CNN3: variants seen among roughly 807,000 people sequenced by gnomAD.
CNN3 encodes calponin-3.
In CNN3, 11 loss-of-function variants were observed where a neutral mutation model predicts 39.0. The observed-to-expected ratio is 0.28, with a 90% CI of 0.18 to 0.47. The LOEUF (loss-of-function observed/expected upper bound fraction) is 0.47. Ranked by LOEUF, CNN3 falls within the 20% of genes least tolerant of loss-of-function variation. CNN3 has a pLI of 0.99. For missense variants in CNN3, 266 were observed against 403.4 expected, an observed-to-expected ratio of 0.66 and a Z score of 2.92; for synonymous variants, 101 against 138.3, an observed-to-expected ratio of 0.73 and a Z score of 1.89.
At chr1:94,901,565 T>G in intron 5 of CNN3, 104 bp downstream of exon 5, 11 of 707,278 alleles carry the variant, frequency 1.6e-5, no homozygotes, top group Admixed American at 6.9e-5. Flanking sequence ...CCCCCCCCAG[T>G]ACTATAGTAC....
At position 94,901,732 on chromosome 1, in the gene CNN3, T is replaced by G. The variant is rs199855827; in HGVS notation, c.438A>C (p.Glu146Asp). Reference sequence around the variant, plus strand: ...CTTCATCAAAACGTCTTGTTTGTTTTTCTGCATACTTAACTCCAATGTCAA... The same window carrying G: ...CTTCATCAAAACGTCTTGTTTGTTTGTCTGCATACTTAACTCCAATGTCAA... ...TTIDIGVKYA[E>D]KQTRRFDEGK... is the part of the protein sequence containing the mutation. The change falls in exon 5 of 7, where the codon GAA becomes GAC. Residue 146 changes from glutamate to aspartate, a missense_variant. Physicochemically the swap from Glu to Asp is conservative, Grantham distance 45. Coordinates refer to ENST00000370206, the MANE Select transcript of CNN3 (RefSeq NM_001839.5). 125 of 1,614,138 alleles carry G rather than the reference T, an allele frequency of 7.7e-5. No homozygotes were observed. The highest frequency in any genetic ancestry group is 9.8e-5 in the Non-Finnish European group (116 of 1,180,004).
rs1671609950 is a variant in CNN3 at position 94,927,073 on chromosome 1, G to T, written c.-179C>A. The T allele has an allele frequency of 1.7e-6, 1 of 582,060 alleles. No homozygotes were observed. The highest frequency in any genetic ancestry group is 2.0e-5 in the African/African-American group (1 of 50,226). 36.1% of individuals were successfully genotyped at this position (582,060 alleles called of 1,614,324 possible). A position where few individuals can be genotyped will look rare whatever the true frequency, so the allele number is the denominator to read the frequency against. ...CCTGGGCGACTGGGTCCAACTGGGT[G>T]CTACAGAGCCTCGAGCTCCGCTGCG... On this transcript the variant is annotated 5_prime_UTR_variant, in exon 1 of 7. Transcript: ENST00000370206.
At chr1:94,911,510 C>T (rs942582112) in intron 1 of CNN3, among the ~76,000 whole-genome samples, 1 of 152,212 alleles carries the variant, frequency 6.6e-6, no homozygotes, top group African/African-American at 2.4e-5. Context: ...AGGACGGGTG[C>T]AGTGGCTCAC....
At chr1:94,901,348 T>G (rs1233231518) in intron 5 of CNN3, among the ~76,000 whole-genome samples, 5 of 149,060 alleles carry the variant, frequency 3.4e-5, no homozygotes, top group Admixed American at 6.7e-5. Flanking sequence ...AGTGAGACTC[T>G]GTCTCAAAAA....
At chr1:94,921,001 T>C (rs1671427150) in intron 1 of CNN3, among the ~76,000 whole-genome samples, 1 of 152,158 alleles carries the variant, frequency 6.6e-6, no homozygotes, top group African/African-American at 2.4e-5. Flanking sequence ...CCAATGCACA[T>C]GGTATATGCT....
chr1:94,920,796 T>A lies in CNN3; in HGVS notation c.57+6042A>T, dbSNP rs114208773. 5.2e-3 allele frequency among the ~76,000 whole-genome samples: 791 copies of A among 150,876 alleles called. 2 individuals carry two copies. The highest frequency in any genetic ancestry group is 7.8e-3 in the Non-Finnish European group (527 of 67,948). On this transcript the variant is annotated intron_variant, in intron 1 of 6. Transcript: ENST00000370206. ...TCAAAAGGGTTCACATGGCCATAGG[T>A]TTTTGTAAAACTTAAAAGATATTTA...
Position 94,926,842 on chromosome 1 carries a change from T to C in CNN3, c.53A>G (p.Asn18Ser), listed in dbSNP as rs771694259. The change falls in exon 1 of 7, where the codon AAC (asparagine) becomes AGC (serine). Residue 18 changes from asparagine to serine, a missense_variant. By Grantham distance (46) the Asn-to-Ser change is conservative. Transcript: ENST00000370206. This position sits in a 1 kb window ranked among gnomAD's most constrained non-coding sequence, Gnocchi z 4.2. ...GCCCGCCCGAGCCAGGCGTACCTTG[T>C]TCTTGACTTCGGCCGAGAGCCCATA... Reference protein sequence around the residue: ...PSYGLSAEVKNKIASKYDHQA... With the variant: ...PSYGLSAEVKSKIASKYDHQA... The C allele has an allele frequency of 1.2e-6, 2 of 1,610,350 alleles. No homozygotes were observed. The highest frequency in any genetic ancestry group is 1.7e-6 in the Non-Finnish European group (2 of 1,178,228).
Position 94,898,083 on chromosome 1 carries a change from C to A in CNN3, c.649G>T (p.Ala217Ser). 6.2e-7 allele frequency: 1 copy of A among 1,612,904 alleles called. No homozygotes were observed. Among genetic ancestry groups the A allele is most frequent in the Non-Finnish European group, 8.5e-7 (1 of 1,179,338 alleles). ...CTGGTACCTGGTGCTAACATCCCTG[C>A]CTGGTATTAGAACATAGTATAAAAG... is the stretch of plus-strand genomic sequence containing the variant. ...QMGTNKGASQ[A>S]GMLAPGTRRD... The change falls in exon 7 of 7, where the codon GCA becomes TCA. Residue 217 changes from alanine to serine, a missense_variant and splice_region_variant. Physicochemically the swap from Ala to Ser is moderately conservative, Grantham distance 99. Transcript: ENST00000370206.
At chr1:94,898,950 A>G (rs576251840) in intron 6 of CNN3, among the ~76,000 whole-genome samples, 188 of 152,214 alleles carry the variant, frequency 1.2e-3, no homozygotes, top group African/African-American at 4.3e-3. Flanking sequence ...TATTTTCACC[A>G]TGTTGCATTT....
At chr1:94,912,025 C>T (rs1671179430) in intron 1 of CNN3, among the ~76,000 whole-genome samples, 1 of 152,104 alleles carries the variant, frequency 6.6e-6, no homozygotes, top group Middle Eastern at 3.4e-3. Context: ...AAGATCATGC[C>T]ATTGCACTCC....
intron 1 of CNN3, among the ~76,000 whole-genome samples, chr1:94,914,802 CTG>C (rs1180117397): frequency 6.6e-6 from 1 of 152,190 alleles, no homozygotes; most frequent in Non-Finnish European, 1.5e-5. Flanking sequence ...GATATGTTAA[CTG>C]TGCAAAAGAG....
intron 1 of CNN3, among the ~76,000 whole-genome samples, chr1:94,917,906 A>G (rs1671325329): frequency 6.6e-6 from 1 of 152,204 alleles, no homozygotes; most frequent in South Asian, 2.1e-4. Context: ...TGACTTGTCC[A>G]AAGGTTGTGG....
chr1:94,897,854 G>A lies in CNN3; in HGVS notation c.878C>T (p.Ser293Leu), dbSNP rs371131326. ...NGSQGTGTNGSEISDSDYQAE... is the reference protein window; with the variant it reads ...NGSQGTGTNGLEISDSDYQAE... ...CTGATAATCACTATCACTGATTTCC[G>A]AACCATTTGTTCCTGTTCCTTGGCT... The change falls in exon 7 of 7, where the codon TCG (serine) becomes TTG (leucine). Residue 293 changes from serine to leucine, a missense_variant. By Grantham distance (145) the Ser-to-Leu change is moderately radical. Transcript: ENST00000370206. 320 of 1,613,966 alleles carry A rather than the reference G, an allele frequency of 2.0e-4. No individual in the cohort carries two copies. Among genetic ancestry groups the A allele is most frequent in the Non-Finnish European group, 2.6e-4 (308 of 1,179,992 alleles).
At chr1:94,920,773 A>C (rs1021212929) in intron 1 of CNN3, among the ~76,000 whole-genome samples, 7 of 152,160 alleles carry the variant, frequency 4.6e-5, no homozygotes, top group African/African-American at 9.7e-5. Context: ...CTTCAAGTTC[A>C]AAAGGGTTCA....
chr1:94,903,641 T>C (rs1670925117), intron 1 of CNN3, 117 bp from the exon 2 acceptor site: 2 of 1,377,068 alleles, frequency 1.5e-6, no homozygotes, highest in Admixed American at 2.0e-5. Context: ...GTGTAGTAAA[T>C]GACACTCAAT....
chr1:94,909,208 G>A (rs897234980), intron 1 of CNN3, among the ~76,000 whole-genome samples: 16 of 152,114 alleles, frequency 1.1e-4, no homozygotes, highest in Non-Finnish European at 1.6e-4. Flanking sequence ...CTCAACAGGG[G>A]TGGTGGTGTC....
chr1:94,920,320 G>C (rs1671410552), intron 1 of CNN3, among the ~76,000 whole-genome samples: 1 of 152,190 alleles, frequency 6.6e-6, no homozygotes, highest in African/African-American at 2.4e-5. Context: ...AAACACAGTA[G>C]TACTGCTTGG....
chr1:94,903,242 T>A (rs917961150), intron 2 of CNN3, 54 bp from the exon 3 acceptor site: 1 of 1,591,258 alleles, frequency 6.3e-7, no homozygotes, highest in Non-Finnish European at 8.6e-7. Flanking sequence ...AAAACAAGGA[T>A]TGAAATATCA....
At chr1:94,925,664 C>T (rs1364232468) in intron 1 of CNN3, 1 of 985,382 alleles carries the variant, frequency 1.0e-6, no homozygotes. Flanking sequence ...CACCGCCTAC[C>T]CCCGCAGCCC....
Sources: gnomAD v4.1 joint callset for allele counts (sites outside exome capture counted in the v4.1 genomes callset) on GRCh38, gnomAD v4.1.1 for gene constraint, Gnocchi (gnomAD v3.1) non-coding constraint, MANE v1.5 for transcripts, NCBI Gene and HGNC (gene_info 2026-07-23, HGNC 2026-07-21) for gene names.